CACNA2D3: variants seen among roughly 807,000 people sequenced by gnomAD.
CACNA2D3 encodes voltage-dependent calcium channel subunit alpha-2/delta-3.
In CACNA2D3, 60 loss-of-function variants were observed where a neutral mutation model predicts 160.6. The observed-to-expected ratio is 0.37, with a 90% CI of 0.30 to 0.46. The LOEUF is 0.46. Ranked by LOEUF, CACNA2D3 falls within the 20% of genes least tolerant of loss-of-function variation. CACNA2D3 has a pLI of 1.00. For synonymous variants in CACNA2D3, 558 were observed against 492.9 expected, an observed-to-expected ratio of 1.13 and a Z score of -1.75; for missense variants, 1,205 against 1,365.0, an observed-to-expected ratio of 0.88 and a Z score of 1.85.
intron 13 of CACNA2D3, among the ~76,000 whole-genome samples, chr3:54,775,069 C>T (rs895305500): frequency 6.6e-6 from 1 of 152,136 alleles, no homozygotes; most frequent in South Asian, 2.1e-4. Context: ...ATTTATTTGC[C>T]TTTCAGCATT....
intron 11 of CACNA2D3, among the ~76,000 whole-genome samples, chr3:54,702,494 A>C (rs992289127): frequency 5.3e-5 from 8 of 152,226 alleles, no homozygotes; most frequent in African/African-American, 1.9e-4. Flanking sequence ...CATATGAAAA[A>C]ATGCTCAACA....
intron 11 of CACNA2D3, among the ~76,000 whole-genome samples, chr3:54,723,797 C>G (rs1333027276): frequency 1.3e-5 from 2 of 152,208 alleles, no homozygotes; most frequent in Non-Finnish European, 2.9e-5. Context: ...GTTGATCTCA[C>G]TGGGAGCTGC....
At chr3:54,973,998 C>T (rs1702330335) in intron 29 of CACNA2D3, among the ~76,000 whole-genome samples, 1 of 152,080 alleles carries the variant, frequency 6.6e-6, no homozygotes, top group South Asian at 2.1e-4. Flanking sequence ...TCCCTCTCTC[C>T]CCACAAATGA....
chr3:54,974,907 C>T (rs905683020), intron 29 of CACNA2D3, among the ~76,000 whole-genome samples: 4 of 152,140 alleles, frequency 2.6e-5, no homozygotes, highest in South Asian at 2.1e-4. Context: ...GTAGCACAAG[C>T]GAGGGAAAGC....
At chr3:54,840,844 C>G (rs918241892) in intron 16 of CACNA2D3, among the ~76,000 whole-genome samples, 1 of 148,532 alleles carries the variant, frequency 6.7e-6, no homozygotes, top group Admixed American at 6.7e-5. Flanking sequence ...TGCCTCAGCC[C>G]CCCGAGTAGC....
At chr3:54,833,683 C>G (rs1198301044) in intron 14 of CACNA2D3, among the ~76,000 whole-genome samples, 3 of 152,110 alleles carry the variant, frequency 2.0e-5, no homozygotes, top group African/African-American at 7.2e-5. Flanking sequence ...TGCAAATGAA[C>G]TTGCAAATTG....
chr3:54,356,912 C>T (rs558260277), intron 3 of CACNA2D3, among the ~76,000 whole-genome samples: 1 of 152,118 alleles, frequency 6.6e-6, no homozygotes, highest in Non-Finnish European at 1.5e-5. Flanking sequence ...GGTTTTCTGG[C>T]AGGGAAAATT....
In CACNA2D3 at chr3:54,339,908, A is replaced by G. The variant is rs75812721; in HGVS notation, c.321+19350A>G. ...CCCTAATTTTCTTGTGACTTTAAAG[A>G]GTAAATATTTATTGAGTAACTAATT... On this transcript the variant is annotated intron_variant, in intron 3 of 37. Transcript: ENST00000474759. Among the ~76,000 whole-genome samples, 569 of 152,314 alleles carry G rather than the reference A, an allele frequency of 3.7e-3. 8 individuals are homozygous for G. The highest frequency in any genetic ancestry group is 0.036 in the East Asian group (189 of 5,188).
At chr3:54,234,894 A>C (rs909220143) in intron 2 of CACNA2D3, among the ~76,000 whole-genome samples, 1 of 152,156 alleles carries the variant, frequency 6.6e-6, no homozygotes, top group African/African-American at 2.4e-5. Flanking sequence ...GGAGCAGCAA[A>C]GATAACTATT....
chr3:54,569,952 A>G lies in CACNA2D3; in HGVS notation c.738-2A>G. On this transcript the variant is annotated splice_acceptor_variant, in intron 7 of 37. Coordinates refer to ENST00000474759, the MANE Select transcript of CACNA2D3 (RefSeq NM_018398.3). LOFTEE classifies it high-confidence loss of function. ...TTTGACTTAATTTTTCCCTTGACCT[A>G]GGTACATCCAGGCAGCAACTTCTCC... 6.2e-7 allele frequency: 1 copy of G among 1,613,934 alleles called. No homozygotes were observed. Among genetic ancestry groups the G allele is most frequent in the African/African-American group, 1.3e-5 (1 of 75,046 alleles).
chr3:55,012,006 G>A (rs550584341), intron 34 of CACNA2D3, among the ~76,000 whole-genome samples: 21 of 152,284 alleles, frequency 1.4e-4, no homozygotes, highest in Non-Finnish European at 2.2e-4. Context: ...CTGTCTCTGC[G>A]GCACCAGTGA....
intron 11 of CACNA2D3, among the ~76,000 whole-genome samples, chr3:54,655,481 A>G (rs1699860893): frequency 1.3e-5 from 2 of 152,192 alleles, no homozygotes; most frequent in Admixed American, 6.5e-5. Context: ...GTTGTACTGG[A>G]TGGATTTGGA....
At chr3:54,915,595 TTTG>T (rs1320247662) in intron 27 of CACNA2D3, among the ~76,000 whole-genome samples, 1 of 152,210 alleles carries the variant, frequency 6.6e-6, no homozygotes, top group Non-Finnish European at 1.5e-5. Flanking sequence ...TGAAAGATAA[TTTG>T]TGGTTCTCAC....
chr3:55,045,667 A>C (rs1222650943), intron 35 of CACNA2D3, among the ~76,000 whole-genome samples: 1 of 152,152 alleles, frequency 6.6e-6, no homozygotes, highest in African/African-American at 2.4e-5. Flanking sequence ...AAGTTATTGA[A>C]TTTATGAGCA....
At chr3:54,326,990 G>A (rs964668080) in intron 3 of CACNA2D3, among the ~76,000 whole-genome samples, 4 of 152,110 alleles carry the variant, frequency 2.6e-5, no homozygotes, top group African/African-American at 9.7e-5. Flanking sequence ...ACGTATATAT[G>A]TAAGGAAATT....
chr3:54,423,139 G>A (rs1362388541), intron 4 of CACNA2D3, among the ~76,000 whole-genome samples: 12 of 152,232 alleles, frequency 7.9e-5, no homozygotes, highest in South Asian at 4.2e-4. Flanking sequence ...AGCTAAATAC[G>A]TCTATCATGA....
At chr3:54,455,475 C>T (rs566271833) in intron 4 of CACNA2D3, among the ~76,000 whole-genome samples, 1 of 151,902 alleles carries the variant, frequency 6.6e-6, no homozygotes, top group South Asian at 2.1e-4. Flanking sequence ...TATAATAATC[C>T]ATTTTAGACG....
chr3:54,717,172 T>G (rs1196616170), intron 11 of CACNA2D3, among the ~76,000 whole-genome samples: 20 of 152,200 alleles, frequency 1.3e-4, no homozygotes, highest in Non-Finnish European at 1.5e-5. Flanking sequence ...GGTTTGTTTT[T>G]ATCATTGCTG....
rs745684927 is a variant in CACNA2D3, at chr3:54,880,808, G to A, written c.1857G>A (p.Ala619=). Residue 619 remains alanine (A), a synonymous_variant, in exon 21 of 38, where the codon GCG becomes GCA. Transcript: ENST00000474759. The part of the protein sequence containing the change: ...IKGTPFSLGV[A]LSRGHGKYFF... ...TCTCTCTGCACAGTTTAGGTGTGGC[G>A]CTTTCCAGAGGTCATGGGAAATATT... 183 of 1,613,628 alleles carry A rather than the reference G, an allele frequency of 1.1e-4. No homozygotes were observed. The highest frequency in any genetic ancestry group is 1.5e-4 in the Non-Finnish European group (173 of 1,179,690).
Sources: gnomAD v4.1 joint callset for allele counts (sites outside exome capture counted in the v4.1 genomes callset) on GRCh38, gnomAD v4.1.1 for gene constraint, MANE v1.5 for transcripts, NCBI Gene and HGNC (gene_info 2026-07-23, HGNC 2026-07-21) for gene names.